The following ADK variants were observed in gnomAD, a reference collection of about 807,000 sequenced individuals.
The protein encoded by ADK is adenosine kinase.
In ADK, 24 loss-of-function variants were observed where a neutral mutation model predicts 44.7. The observed-to-expected ratio is 0.54, with a 90% CI of 0.39 to 0.76. The LOEUF (loss-of-function observed/expected upper bound fraction) is 0.76, where lower values mean the gene tolerates loss of function less well. Among genes scored for constraint, ADK ranks in the 30% least tolerant of loss-of-function variants. The pLI is 0.00. For synonymous variants in ADK, 128 were observed against 142.6 expected (o/e 0.90, Z 0.73); for missense variants, 321 against 425.1 (o/e 0.76, Z 2.15).
chr10:74,603,741 T>C (rs1031346652), intron 9 of ADK, among the ~76,000 whole-genome samples: 1 of 152,224 alleles, frequency 6.6e-6, no homozygotes, highest in Admixed American at 6.5e-5. Flanking sequence ...GTAGAATGAT[T>C]TATAATCCTT....
chr10:74,665,736 T>TGAGAGAGAGAGAGA (rs59620474), intron 9 of ADK, among the ~76,000 whole-genome samples: 14 of 116,282 alleles, frequency 1.2e-4, no homozygotes, highest in Admixed American at 6.6e-4. Context: ...CCTTAGCTCT[T>TGAGAGAGAGAGAGA]GAGAGAGAGA....
intron 7 of ADK, among the ~76,000 whole-genome samples, chr10:74,537,447 G>A (rs544640174): frequency 1.9e-4 from 29 of 152,254 alleles, no homozygotes; most frequent in African/African-American, 4.8e-4. Context: ...ACATTCACAC[G>A]AAAGCAGCTT....
intron 2 of ADK, among the ~76,000 whole-genome samples, chr10:74,209,301 T>A (rs1193330172): frequency 2.0e-5 from 3 of 152,058 alleles, no homozygotes. Flanking sequence ...AGGTTCCATG[T>A]TAGAAGCAGA....
chr10:74,456,072 T>A (rs1845934197), intron 6 of ADK, among the ~76,000 whole-genome samples: 1 of 152,040 alleles, frequency 6.6e-6, no homozygotes, highest in Non-Finnish European at 1.5e-5. Flanking sequence ...AGTCTTAGCC[T>A]CCCACACAAT....
At chr10:74,507,448 A>G (rs985239259) in intron 6 of ADK, among the ~76,000 whole-genome samples, 3 of 152,140 alleles carry the variant, frequency 2.0e-5, no homozygotes, top group African/African-American at 7.2e-5. Flanking sequence ...CCCCATCTCT[A>G]CAAAACATCC....
At chr10:74,371,657 G>C in intron 4 of ADK, 1 of 1,023,388 alleles carries the variant, frequency 9.8e-7, no homozygotes. Context: ...TCTCTATAAG[G>C]AAAAGTGATG....
chr10:74,445,608 A>G (rs1207979375), intron 6 of ADK, among the ~76,000 whole-genome samples: 1 of 152,006 alleles, frequency 6.6e-6, no homozygotes, highest in Non-Finnish European at 1.5e-5. Context: ...GTATATTTAC[A>G]CCTGCTTGAA....
At chr10:74,406,517 TAATAATAATAAGAAGAAGAAGAAG>T (rs1843933479) in intron 6 of ADK, among the ~76,000 whole-genome samples, 1 of 52,182 alleles carries the variant, frequency 1.9e-5, no homozygotes, top group African/African-American at 6.7e-5. Context: ...ATAATAATAA[TAATAATAATAAGAAGAAGAAGAAG>T]AAGAAGAAGA....
At chr10:74,481,933 G>T (rs1212434939) in intron 6 of ADK, among the ~76,000 whole-genome samples, 3 of 152,142 alleles carry the variant, frequency 2.0e-5, no homozygotes, top group African/African-American at 7.2e-5. Context: ...CTATTCCTAA[G>T]CACCTTATAT....
intron 3 of ADK, among the ~76,000 whole-genome samples, chr10:74,232,702 T>C (rs1181324963): frequency 6.6e-6 from 1 of 152,142 alleles, no homozygotes; most frequent in Non-Finnish European, 1.5e-5. Flanking sequence ...CTTAGCTCAC[T>C]GCAAGCTCCA....
At chr10:74,266,195 G>T (rs906255772) in intron 3 of ADK, among the ~76,000 whole-genome samples, 1 of 152,288 alleles carries the variant, frequency 6.6e-6, no homozygotes, top group Non-Finnish European at 1.5e-5. Context: ...AGTACAGGAC[G>T]CTAGGTGGTG....
At chr10:74,359,112 T>A (rs1842238770) in intron 4 of ADK, among the ~76,000 whole-genome samples, 1 of 152,176 alleles carries the variant, frequency 6.6e-6, no homozygotes, top group Non-Finnish European at 1.5e-5. Flanking sequence ...TTGAGTTGAT[T>A]TTTATACATG....
intron 10 of ADK, among the ~76,000 whole-genome samples, chr10:74,681,429 AAAGT>A (rs1263880957): frequency 2.4e-4 from 37 of 152,346 alleles, no homozygotes; most frequent in Non-Finnish European, 4.1e-4. Context: ...ATGAATGAAG[AAAGT>A]AAGGCCCAAA....
intron 3 of ADK, 91 bp downstream of exon 3, chr10:74,224,682 A>G (rs1350074660): frequency 9.7e-7 from 1 of 1,033,518 alleles, no homozygotes; most frequent in South Asian, 1.3e-5. Context: ...TCAAAATTAT[A>G]TAATGACAAA....
At position 74,436,675 on chromosome 10, in the gene ADK, AATGTTGCTGTG is replaced by A. The variant is rs553660914; in HGVS notation, c.555+38097_555+38107del. Among the ~76,000 whole-genome samples, 133 of 152,336 alleles carry A rather than the reference AATGTTGCTGTG, an allele frequency of 8.7e-4. 1 individual carries two copies. In the East Asian group the frequency reaches 0.024, roughly 27 times the overall value. ...ATTGGTGAAAAGATAGCCTTTTCAA[AATGTTGCTGTG>A]GCAACATGACGTCAAAAGTGAAAAG... On this transcript the variant is annotated intron_variant, in intron 6 of 10. Coordinates refer to ENST00000539909, the MANE Select transcript of ADK (RefSeq NM_006721.4).
intron 1 of ADK, among the ~76,000 whole-genome samples, chr10:74,151,847 A>G (rs905812062): frequency 6.6e-6 from 1 of 152,214 alleles, no homozygotes; most frequent in Non-Finnish European, 1.5e-5. Flanking sequence ...ACCCTCTACC[A>G]GGGACCCAGA....
intron 2 of ADK, among the ~76,000 whole-genome samples, chr10:74,212,707 A>G (rs1178945293): frequency 3.3e-5 from 5 of 152,232 alleles, no homozygotes; most frequent in Non-Finnish European, 7.3e-5. Flanking sequence ...ACATGGTTGG[A>G]TTCATATTTT....
At chr10:74,304,913 C>T (rs1462999680) in intron 3 of ADK, among the ~76,000 whole-genome samples, 2 of 152,126 alleles carry the variant, frequency 1.3e-5, no homozygotes, top group African/African-American at 4.8e-5. Context: ...AACCTAATCT[C>T]GGAGAACTTA....
intron 7 of ADK, among the ~76,000 whole-genome samples, chr10:74,586,224 G>T (rs1000211974): frequency 6.6e-6 from 1 of 152,176 alleles, no homozygotes; most frequent in Non-Finnish European, 1.5e-5. Context: ...TTCTCTAATG[G>T]AGTGACTTGG....
Sources: gnomAD v4.1 joint callset for allele counts (sites outside exome capture counted in the v4.1 genomes callset) on GRCh38, gnomAD v4.1.1 for gene constraint, MANE v1.5 for transcripts, NCBI Gene and HGNC (gene_info 2026-07-23, HGNC 2026-07-21) for gene names.